Variants in MAN1C1 observed in about 807,000 individuals in gnomAD.
The protein encoded by MAN1C1 is mannosidase alpha class 1C member 1.
MAN1C1 carries 49 observed loss-of-function variants against 71.5 expected under a neutral mutation model. The observed-to-expected ratio is 0.69, with a 90% CI of 0.54 to 0.87. MAN1C1 has a LOEUF of 0.87. Ranked by LOEUF, MAN1C1 falls within the 40% of genes least tolerant of loss-of-function variation. The pLI is 0.00. For synonymous variants in MAN1C1, 352 were observed against 343.7 expected (o/e 1.02, Z -0.27); for missense variants, 743 against 835.0 (o/e 0.89, Z 1.36).
intron 1 of MAN1C1, among the ~76,000 whole-genome samples, chr1:25,647,015 G>A (rs1406948056): frequency 2.0e-5 from 3 of 152,248 alleles, no homozygotes; most frequent in Non-Finnish European, 2.9e-5. Flanking sequence ...TGGCTGCACC[G>A]CTTTACACTC....
At chr1:25,700,722 AT>A (rs1323777264) in intron 2 of MAN1C1, among the ~76,000 whole-genome samples, 1 of 152,244 alleles carries the variant, frequency 6.6e-6, no homozygotes, top group East Asian at 1.9e-4. Context: ...AGATACTAGA[AT>A]TTGAATGGAG....
chr1:25,721,860 C>G (rs1165681477), intron 2 of MAN1C1, among the ~76,000 whole-genome samples: 1 of 152,194 alleles, frequency 6.6e-6, no homozygotes, highest in Non-Finnish European at 1.5e-5. Context: ...TTTGGCCTTT[C>G]CCCATAAGTG....
chr1:25,659,206 G>A (rs2045812187), intron 1 of MAN1C1: 1 of 152,332 alleles, frequency 6.6e-6, no homozygotes. Flanking sequence ...TCAGAGTCAA[G>A]GCTGTTTGGT....
At chr1:25,715,701 C>T (rs57223611) in intron 2 of MAN1C1, among the ~76,000 whole-genome samples, 5,672 of 152,228 alleles carry the variant, frequency 0.037, 349 homozygotes, top group African/African-American at 0.13. Flanking sequence ...AGGGCCTCTC[C>T]CTTGAGCAGT....
chr1:25,681,076 C>A (rs769104219), intron 1 of MAN1C1, among the ~76,000 whole-genome samples: 4 of 151,300 alleles, frequency 2.6e-5, no homozygotes, highest in Non-Finnish European at 5.9e-5. Context: ...AAAAAAAAAT[C>A]TACTAAAAAA....
intron 2 of MAN1C1, among the ~76,000 whole-genome samples, chr1:25,695,556 G>T (rs1028346393): frequency 6.6e-6 from 1 of 152,134 alleles, no homozygotes; most frequent in Non-Finnish European, 1.5e-5. Context: ...AGCAAAGCAC[G>T]CCTCGAAATT....
intron 1 of MAN1C1, among the ~76,000 whole-genome samples, chr1:25,626,131 G>A (rs993464214): frequency 1.3e-4 from 20 of 152,194 alleles, no homozygotes; most frequent in African/African-American, 4.8e-4. Flanking sequence ...GGCCCATAGA[G>A]CAGATGTGTG....
chr1:25,768,356 CAT>C (rs1298172565), intron 7 of MAN1C1, among the ~76,000 whole-genome samples: 12 of 130,222 alleles, frequency 9.2e-5, no homozygotes, highest in Admixed American at 2.3e-4. Flanking sequence ...CACACACACA[CAT>C]TACATACACT....
At chr1:25,677,910 T>C (rs991413490) in intron 1 of MAN1C1, among the ~76,000 whole-genome samples, 1 of 147,120 alleles carries the variant, frequency 6.8e-6, no homozygotes, top group Non-Finnish European at 1.5e-5. Context: ...ACCCCATGGC[T>C]GACCACCCAG....
chr1:25,702,715 T>C (rs1013346236), intron 2 of MAN1C1, among the ~76,000 whole-genome samples: 2 of 152,176 alleles, frequency 1.3e-5, no homozygotes, highest in Admixed American at 6.5e-5. Flanking sequence ...CATAGGGTAG[T>C]TGTGAAAATC....
intron 2 of MAN1C1, among the ~76,000 whole-genome samples, chr1:25,724,923 C>G (rs1251870172): frequency 6.6e-6 from 1 of 152,190 alleles, no homozygotes; most frequent in Non-Finnish European, 1.5e-5. Context: ...AGCTGTAGAT[C>G]ACAGGCAACC....
At chr1:25,717,973 T>C (rs2046705074) in intron 2 of MAN1C1, among the ~76,000 whole-genome samples, 1 of 151,618 alleles carries the variant, frequency 6.6e-6, no homozygotes, top group African/African-American at 2.4e-5. Context: ...AGTAGATGTG[T>C]GTTGATATCA....
intron 1 of MAN1C1, among the ~76,000 whole-genome samples, chr1:25,677,767 G>A (rs566172710): frequency 6.7e-6 from 1 of 150,130 alleles, no homozygotes; most frequent in Admixed American, 6.7e-5. Context: ...TGACTCTGGA[G>A]TTCTGGATCT....
At chr1:25,734,487 A>T (rs907426291) in intron 2 of MAN1C1, among the ~76,000 whole-genome samples, 2 of 152,236 alleles carry the variant, frequency 1.3e-5, no homozygotes, top group Non-Finnish European at 2.9e-5. Context: ...CAGGCAAAAA[A>T]GGATTGTTCT....
intron 1 of MAN1C1, among the ~76,000 whole-genome samples, chr1:25,667,504 A>AAG (rs2045940258): frequency 6.6e-6 from 1 of 150,458 alleles, no homozygotes; most frequent in African/African-American, 2.4e-5. Flanking sequence ...AAAAAAAAAA[A>AAG]GCAATTCAAA....
chr1:25,766,679 G>A (rs1395863527), intron 7 of MAN1C1, among the ~76,000 whole-genome samples: 4 of 152,062 alleles, frequency 2.6e-5, no homozygotes, highest in African/African-American at 4.8e-5. Flanking sequence ...CCAGGCTCCC[G>A]ATGGTGCCCA....
At chr1:25,749,169 G>A (rs1452485055) in intron 3 of MAN1C1, 86 bp from the exon 4 acceptor site, 9 of 1,087,790 alleles carry the variant, frequency 8.3e-6, no homozygotes, top group Non-Finnish European at 1.2e-5. Context: ...GGTATGGGAG[G>A]AATATCAGTG....
rs1183253562 is a variant in MAN1C1, at chr1:25,748,357, A to T, written c.754-898A>T. Among the ~76,000 whole-genome samples, 3 of 152,206 alleles carry T rather than the reference A, an allele frequency of 2.0e-5. No individual in the cohort carries two copies. In the East Asian group the frequency reaches 5.8e-4, roughly 29 times the overall value. On this transcript the variant is annotated intron_variant, in intron 3 of 11. Coordinates refer to ENST00000374332, the MANE Select transcript of MAN1C1 (RefSeq NM_020379.4). Reference sequence around the variant, plus strand: ...GTGGATGAAGAGCTCCCCCAGGTTAACAGATGAGCACTGCTGTTCTCAGTA... The same window carrying T: ...GTGGATGAAGAGCTCCCCCAGGTTATCAGATGAGCACTGCTGTTCTCAGTA...
At chr1:25,727,943 A>G (rs547400949) in intron 2 of MAN1C1, among the ~76,000 whole-genome samples, 6 of 152,370 alleles carry the variant, frequency 3.9e-5, no homozygotes, top group Non-Finnish European at 7.3e-5. Context: ...TCTACCTGCC[A>G]TGTCTGAAAA....
Sources: gnomAD v4.1 joint callset for allele counts (sites outside exome capture counted in the v4.1 genomes callset) on GRCh38, gnomAD v4.1.1 for gene constraint, MANE v1.5 for transcripts, NCBI Gene and HGNC (gene_info 2026-07-23, HGNC 2026-07-21) for gene names.